Variants in GCA observed in about 807,000 individuals in gnomAD.
GCA encodes grancalcin, EF-hand calcium-binding protein.
Under a neutral mutation model 32.6 loss-of-function variants are expected in GCA, and 30 were observed. The ratio of observed to expected loss-of-function variants is 0.92; its 90% CI spans 0.69 to 1.25. GCA has a LOEUF of 1.25. GCA is among the 50% of genes most tolerant of loss of function. The pLI is 0.00. For missense variants in GCA, 291 were observed against 266.8 expected (o/e 1.09, Z -0.63); for synonymous variants, 102 against 84.6 (o/e 1.21, Z -1.13).
intron 7 of GCA, 144 bp from the exon 8 acceptor site, chr2:162,360,073 A>C (rs933160440): frequency 1.7e-6 from 1 of 576,846 alleles, no homozygotes; most frequent in East Asian, 3.2e-5. Flanking sequence ...TGGGGTCAAC[A>C]TTACTGATAT....
At chr2:162,339,196 G>A (rs1684364858), upstream of GCA, among the ~76,000 whole-genome samples, 1 of 152,020 alleles carries the variant, frequency 6.6e-6, no homozygotes, top group African/African-American at 2.4e-5. Context: ...ATACTGAAAG[G>A]AACAACTTCG....
At chr2:162,348,022 A>G (rs897531383) in intron 2 of GCA, among the ~76,000 whole-genome samples, 1 of 152,146 alleles carries the variant, frequency 6.6e-6, no homozygotes, top group Non-Finnish European at 1.5e-5. Context: ...TGCTTGCGTT[A>G]CTGAAATTCT....
At chr2:162,338,005 A>G (rs779425025) in intron 1 of GCA, among the ~76,000 whole-genome samples, 2 of 152,162 alleles carry the variant, frequency 1.3e-5, no homozygotes, top group Non-Finnish European at 2.9e-5. Flanking sequence ...TATTTTAAAA[A>G]TATTTTGCAA....
At chr2:162,357,064 G>A (rs1017971983) in intron 5 of GCA, 159 bp downstream of exon 5, 8 of 496,414 alleles carry the variant, frequency 1.6e-5, no homozygotes, top group African/African-American at 7.7e-5. Flanking sequence ...TCTGACCAAA[G>A]ACCTCAACAA....
chr2:162,354,732 C>T (rs1404518707), intron 3 of GCA, among the ~76,000 whole-genome samples: 2 of 152,132 alleles, frequency 1.3e-5, no homozygotes, highest in Non-Finnish European at 2.9e-5. Flanking sequence ...TTGGTTAACT[C>T]ACATCCATCA....
In GCA at chr2:162,359,041, TA is replaced by T. The variant is rs762110063; in HGVS notation, c.455-2del. 4.3e-6 allele frequency: 6 copies of T among 1,394,776 alleles called. No homozygotes were observed. In the South Asian group the frequency reaches 7.3e-5, roughly 17 times the overall value. The allele number at this position is 1,394,776 out of a possible 1,614,324, so 86.4% of individuals were successfully genotyped here. A position where few individuals can be genotyped will look rare whatever the true frequency, so the allele number is the denominator to read the frequency against. ...TAGAAGTTTTAATTTATCTCTTTTT[TA>T]GGTTATAGGTTGAGTCCTCAAACAT... On this transcript the variant is annotated splice_acceptor_variant, in intron 5 of 7. Coordinates refer to ENST00000437150, the MANE Select transcript of GCA (RefSeq NM_012198.5). LOFTEE classifies it high-confidence loss of function.
downstream of GCA, among the ~76,000 whole-genome samples, chr2:162,375,043 C>A (rs112504589): frequency 6.6e-6 from 1 of 152,140 alleles, no homozygotes; most frequent in Admixed American, 6.5e-5. Flanking sequence ...TTTCATTTCA[C>A]TCTTCAAGTC....
intron 1 of GCA, among the ~76,000 whole-genome samples, chr2:162,324,734 T>C (rs976087340): frequency 2.0e-5 from 3 of 152,102 alleles, no homozygotes; most frequent in Non-Finnish European, 2.9e-5. Flanking sequence ...CTTTCCCCTT[T>C]CTGTATCATT....
At chr2:162,349,519 T>C (rs185022469) in intron 2 of GCA, among the ~76,000 whole-genome samples, 1 of 151,120 alleles carries the variant, frequency 6.6e-6, no homozygotes, top group African/African-American at 2.4e-5. Context: ...AAGATGTGTG[T>C]TTTTTTTTCT....
At chr2:162,344,862 C>G (rs1035143600) in intron 1 of GCA, among the ~76,000 whole-genome samples, 4 of 152,076 alleles carry the variant, frequency 2.6e-5, no homozygotes, top group Non-Finnish European at 5.9e-5. Context: ...GTGGCTAGCC[C>G]CTTCTTTTCA....
chr2:162,347,965 A>G (rs926232505), intron 2 of GCA, among the ~76,000 whole-genome samples: 1 of 152,162 alleles, frequency 6.6e-6, no homozygotes, highest in Non-Finnish European at 1.5e-5. Context: ...TAAAAGAGGA[A>G]ACATTGTTTT....
At chr2:162,326,709 G>A (rs570664757) in intron 1 of GCA, among the ~76,000 whole-genome samples, 46 of 152,248 alleles carry the variant, frequency 3.0e-4, no homozygotes, top group African/African-American at 1.1e-3. Context: ...GTAGACATGA[G>A]GTTTCACCAT....
At chr2:162,363,341 A>T (rs551117529), downstream of GCA, among the ~76,000 whole-genome samples, 4 of 151,568 alleles carry the variant, frequency 2.6e-5, no homozygotes, top group East Asian at 7.7e-4. Flanking sequence ...TTGTGTTAGA[A>T]GATCCCAATT....
At chr2:162,321,833 C>A (rs931859071) in intron 1 of GCA, among the ~76,000 whole-genome samples, 1 of 139,546 alleles carries the variant, frequency 7.2e-6, no homozygotes, top group East Asian at 2.1e-4. Context: ...AGAGATGGTG[C>A]GGTGCTAGTC....
At chr2:162,324,453 G>A (rs1683802578) in intron 1 of GCA, among the ~76,000 whole-genome samples, 1 of 152,192 alleles carries the variant, frequency 6.6e-6, no homozygotes. Flanking sequence ...CTGCCAGATG[G>A]TGGCCTGCCA....
At chr2:162,357,703 A>G (rs1375625723) in intron 5 of GCA, among the ~76,000 whole-genome samples, 1 of 151,590 alleles carries the variant, frequency 6.6e-6, no homozygotes, top group African/African-American at 2.4e-5. Flanking sequence ...AGCCCATATA[A>G]ACATATGTAG....
intron 5 of GCA, 58 bp downstream of exon 5, chr2:162,356,963 T>C: frequency 8.6e-7 from 1 of 1,164,620 alleles, no homozygotes; most frequent in South Asian, 1.7e-5. Flanking sequence ...TTTGATTAGA[T>C]GAACTTAATT....
At chr2:162,371,670 G>A (rs777608961), downstream of GCA, 94 of 845,908 alleles carry the variant, frequency 1.1e-4, no homozygotes, top group African/African-American at 1.5e-3. Flanking sequence ...TAACTGCTCA[G>A]TTTTACCTTA....
chr2:162,375,003 T>G (rs1686110382), downstream of GCA, among the ~76,000 whole-genome samples: 1 of 152,220 alleles, frequency 6.6e-6, no homozygotes, highest in Admixed American at 6.5e-5. Context: ...AGACCCATTA[T>G]TTCACTGTTA....
Sources: gnomAD v4.1 joint callset for allele counts (sites outside exome capture counted in the v4.1 genomes callset) on GRCh38, gnomAD v4.1.1 for gene constraint, MANE v1.5 for transcripts, NCBI Gene and HGNC (gene_info 2026-07-23, HGNC 2026-07-21) for gene names.